The following PMFBP1 variants were observed in gnomAD, a reference collection of about 807,000 sequenced individuals.
PMFBP1 encodes the protein polyamine modulated factor 1 binding protein 1, also known as polyamine-modulated factor 1-binding protein 1.
In PMFBP1, 131 loss-of-function variants were observed where a neutral mutation model predicts 137.8. That is an observed-to-expected ratio of 0.95 (90% CI 0.82 to 1.10). The LOEUF (loss-of-function observed/expected upper bound fraction) is 1.10, where lower values mean the gene tolerates loss of function less well. PMFBP1 is among the 50% of genes least tolerant of loss of function. PMFBP1 has a pLI of 0.00. For synonymous variants in PMFBP1, 490 were observed against 450.4 expected, an observed-to-expected ratio of 1.09 and a Z score of -1.11; for missense variants, 1,199 against 1,175.4, an observed-to-expected ratio of 1.02 and a Z score of -0.29.
chr16:72,204,139 C>A, the PMFBP1 span, among the ~76,000 whole-genome samples: 1 of 151,884 alleles, frequency 6.6e-6, no homozygotes, highest in South Asian at 2.1e-4. Flanking sequence ...CAGCATACTT[C>A]TCTTATGGTG....
chr16:72,197,621 C>T, the PMFBP1 span, among the ~76,000 whole-genome samples: 1 of 152,184 alleles, frequency 6.6e-6, no homozygotes, highest in African/African-American at 2.4e-5. Flanking sequence ...TCCTCCTCCA[C>T]TGGGGTCAGC....
the PMFBP1 span, among the ~76,000 whole-genome samples, chr16:72,196,442 A>G: frequency 1.1e-4 from 17 of 152,146 alleles, no homozygotes; most frequent in African/African-American, 4.1e-4. Context: ...AACCTCTGAC[A>G]TGTGCAGTTA....
chr16:72,205,707 G>A, the PMFBP1 span, among the ~76,000 whole-genome samples: 1 of 152,110 alleles, frequency 6.6e-6, no homozygotes, highest in Non-Finnish European at 1.5e-5. Context: ...ACACATGCAG[G>A]GCCCTTTTGT....
chr16:72,164,729 G>C, intron 3 of PMFBP1, 35 bp downstream of exon 3: 1 of 1,563,932 alleles, frequency 6.4e-7, no homozygotes, highest in South Asian at 1.2e-5. Flanking sequence ...GAAGTCAAGA[G>C]AGCAGGGGTG....
At chr16:72,247,114 T>C in the PMFBP1 span, among the ~76,000 whole-genome samples, 1 of 152,240 alleles carries the variant, frequency 6.6e-6, no homozygotes, top group African/African-American at 2.4e-5. Context: ...CCTTCATTAA[T>C]GCCATTTGCT....
chr16:72,131,215 C>T lies in PMFBP1; in HGVS notation c.1448-493G>A, dbSNP rs965178606. On this transcript the variant is annotated intron_variant, in intron 10 of 20. Coordinates refer to ENST00000237353, the MANE Select transcript of PMFBP1 (RefSeq NM_031293.3). ...GGGCGGGGATTGTTAGAGCAGATGC[C>T]TGGTGAGGAGAATGCGGAAGGTGTG... is the stretch of plus-strand genomic sequence containing the variant. 5.9e-5 allele frequency among the ~76,000 whole-genome samples: 9 copies of T among 152,136 alleles called. No individual in the cohort carries two copies. In the East Asian group the frequency reaches 1.7e-3, roughly 29 times the overall value.
upstream of PMFBP1, chr16:72,176,677 A>T (rs1196231293): frequency 6.6e-6 from 1 of 152,244 alleles, no homozygotes; most frequent in Non-Finnish European, 1.5e-5. Context: ...CCAGCCCTGG[A>T]TAGAAGGAGC....
At chr16:72,247,433 G>C in the PMFBP1 span, among the ~76,000 whole-genome samples, 30 of 152,190 alleles carry the variant, frequency 2.0e-4, no homozygotes, top group African/African-American at 7.2e-4. Flanking sequence ...CAAAGAGCAA[G>C]TCTGCTGCCC....
At chr16:72,130,486 C>G (rs973891169) in intron 11 of PMFBP1, 47 bp downstream of exon 11, 2 of 1,610,892 alleles carry the variant, frequency 1.2e-6, no homozygotes, top group Admixed American at 3.3e-5. Context: ...CCGGCTGGGT[C>G]AAGAGTGACA....
chr16:72,155,364 T>C (rs2042965715), intron 3 of PMFBP1, among the ~76,000 whole-genome samples: 1 of 152,182 alleles, frequency 6.6e-6, no homozygotes, highest in Non-Finnish European at 1.5e-5. Flanking sequence ...CTGCTCTCCT[T>C]CCTGTTTTTT....
At chr16:72,136,172 T>A (rs1285909558) in intron 9 of PMFBP1, among the ~76,000 whole-genome samples, 1 of 152,146 alleles carries the variant, frequency 6.6e-6, no homozygotes, top group African/African-American at 2.4e-5. Flanking sequence ...ACAATGCAAG[T>A]AAGTGTGTCA....
Position 72,125,289 on chromosome 16 carries a change from G to T in PMFBP1, c.2370C>A (p.Leu790=), listed in dbSNP as rs1188653658. 3.1e-6 allele frequency: 5 copies of T among 1,614,100 alleles called. No individual in the cohort carries two copies. Among genetic ancestry groups the T allele is most frequent in the Non-Finnish European group, 4.2e-6 (5 of 1,180,028 alleles). Reference sequence around the variant, plus strand: ...CCCGCAGTTTTCTTAATTCCGTATTGAGCTTTTTCATCCTTTCCTCATAAG... The same window carrying T: ...CCCGCAGTTTTCTTAATTCCGTATTTAGCTTTTTCATCCTTTCCTCATAAG... The part of the protein sequence containing the change: ...IIAYEERMKK[L]NTELRKLRGF... The change falls in exon 16 of 21, where the codon CTC becomes CTA. Residue 790 remains leucine (L), a synonymous_variant. Coordinates refer to ENST00000237353, the MANE Select transcript of PMFBP1 (RefSeq NM_031293.3).
chr16:72,139,234 A>T (rs770007007), intron 7 of PMFBP1, 55 bp downstream of exon 7: 1 of 1,302,374 alleles, frequency 7.7e-7, no homozygotes, highest in Non-Finnish European at 1.1e-6. Context: ...AAAGCCCAGA[A>T]TCAAACCCAG....
chr16:72,208,997 TTGCTAGAA>T, the PMFBP1 span, among the ~76,000 whole-genome samples: 4 of 152,228 alleles, frequency 2.6e-5, no homozygotes, highest in Non-Finnish European at 5.9e-5. Flanking sequence ...TGCAAACTGT[TTGCTAGAA>T]TCCTAGTTCC....
At chr16:72,191,739 G>A in the PMFBP1 span, among the ~76,000 whole-genome samples, 1 of 152,220 alleles carries the variant, frequency 6.6e-6, no homozygotes, top group South Asian at 2.1e-4. Flanking sequence ...CTTGAGGTAT[G>A]AGGGCACAGC....
At chr16:72,202,263 ACT>A in the PMFBP1 span, among the ~76,000 whole-genome samples, 2 of 152,004 alleles carry the variant, frequency 1.3e-5, no homozygotes, top group African/African-American at 4.8e-5. Context: ...GTCACAGTAG[ACT>A]CTAGATTAGT....
upstream of PMFBP1, among the ~76,000 whole-genome samples, chr16:72,181,262 AT>A (rs1341499964): frequency 1.3e-4 from 20 of 151,436 alleles, no homozygotes; most frequent in Non-Finnish European, 2.8e-4. Flanking sequence ...AATAATAATA[AT>A]AATTAAATTA....
chr16:72,161,310 C>T (rs1397391129), intron 3 of PMFBP1, among the ~76,000 whole-genome samples: 2 of 151,900 alleles, frequency 1.3e-5, no homozygotes, highest in African/African-American at 4.8e-5. Flanking sequence ...GTTGGCCAGG[C>T]TGGTGTCAAA....
chr16:72,246,705 G>A, the PMFBP1 span, among the ~76,000 whole-genome samples: 1 of 151,986 alleles, frequency 6.6e-6, no homozygotes, highest in Non-Finnish European at 1.5e-5. Flanking sequence ...ATAGGATAAT[G>A]ATTGACTGGT....
Sources: gnomAD v4.1 joint callset for allele counts (sites outside exome capture counted in the v4.1 genomes callset) on GRCh38, gnomAD v4.1.1 for gene constraint, MANE v1.5 for transcripts, NCBI Gene and HGNC (gene_info 2026-07-23, HGNC 2026-07-21) for gene names.